ZMYM2: variants seen among roughly 807,000 people sequenced by gnomAD.
ZMYM2 encodes the protein zinc finger MYM-type containing 2.
ZMYM2 carries 56 observed loss-of-function variants against 162.8 expected under a neutral mutation model. The ratio of observed to expected loss-of-function variants is 0.34; its 90% CI spans 0.28 to 0.43. ZMYM2 has a LOEUF of 0.43. Ranked by LOEUF, ZMYM2 falls within the 20% of genes least tolerant of loss-of-function variation. The pLI, the probability that ZMYM2 is intolerant of heterozygous loss-of-function variation, is 1.00. For missense variants in ZMYM2, 1,275 were observed against 1,621.8 expected (o/e 0.79, Z 3.67); for synonymous variants, 510 against 541.6 (o/e 0.94, Z 0.81).
chr13:20,076,931 G>A (rs944405230), intron 21 of ZMYM2, among the ~76,000 whole-genome samples: 44 of 150,216 alleles, frequency 2.9e-4, no homozygotes, highest in Non-Finnish European at 6.0e-4. Context: ...CGCCTCCCAG[G>A]TTCAAGTGAT....
Position 20,079,219 on chromosome 13 carries a change from T to C in ZMYM2, c.3454-2797T>C, listed in dbSNP as rs1156299471. 3.5e-5 allele frequency among the ~76,000 whole-genome samples: 5 copies of C among 144,376 alleles called. No homozygotes were observed. In the South Asian group the frequency reaches 8.8e-4, roughly 25 times the overall value. The allele number at this position is 144,376 out of a possible 152,430, so 94.7% of individuals were successfully genotyped here. A position where few individuals can be genotyped will look rare whatever the true frequency, so the allele number is the denominator to read the frequency against. The stretch of plus-strand genomic sequence containing the variant: ...CTGTAATCTCAGCTACTCGGGAGGC[T>C]GAGGCAGGAGAATCGCTTGAACCCT... On this transcript the variant is annotated intron_variant, in intron 21 of 24. Coordinates refer to ENST00000610343, the MANE Select transcript of ZMYM2 (RefSeq NM_197968.4).
chr13:19,995,002 T>TAAAA (rs11415288), intron 3 of ZMYM2, among the ~76,000 whole-genome samples: 4 of 140,558 alleles, frequency 2.8e-5, no homozygotes, highest in Non-Finnish European at 4.6e-5. Flanking sequence ...CTGGCTAAAT[T>TAAAA]AAAAAAAAAA....
At chr13:19,943,064 G>A in the ZMYM2 span, among the ~76,000 whole-genome samples, 1 of 152,110 alleles carries the variant, frequency 6.6e-6, no homozygotes, top group African/African-American at 2.4e-5. Flanking sequence ...GGGCCATACC[G>A]ACCGACAGCT....
the ZMYM2 span, among the ~76,000 whole-genome samples, chr13:19,888,757 A>T: frequency 2.4e-4 from 37 of 151,328 alleles, no homozygotes; most frequent in African/African-American, 8.3e-4. Context: ...ATGCCACCAC[A>T]CTCAGCTAAT....
At chr13:20,070,686 A>G (rs1470095710) in intron 21 of ZMYM2, 1 of 151,952 alleles carries the variant, frequency 6.6e-6, no homozygotes, top group Middle Eastern at 3.2e-3. Flanking sequence ...AATTTTTTAT[A>G]TTTTAGTAGA....
At chr13:19,886,162 C>CTTTTT in the ZMYM2 span, among the ~76,000 whole-genome samples, 768 of 98,284 alleles carry the variant, frequency 7.8e-3, 1 homozygote, top group East Asian at 0.012. Flanking sequence ...TTCTTTCTTT[C>CTTTTT]TTTTTTTTTT....
At chr13:19,947,217 C>T in the ZMYM2 span, among the ~76,000 whole-genome samples, 2 of 151,910 alleles carry the variant, frequency 1.3e-5, no homozygotes, top group South Asian at 2.1e-4. Flanking sequence ...CCCGCCACCA[C>T]GCCCGGCTAA....
At chr13:19,956,519 G>C (rs1053357137), upstream of ZMYM2, among the ~76,000 whole-genome samples, 1 of 152,154 alleles carries the variant, frequency 6.6e-6, no homozygotes, top group Admixed American at 6.5e-5. Context: ...TTTCTTCCCA[G>C]TTCTAAATTC....
intron 2 of ZMYM2, among the ~76,000 whole-genome samples, chr13:19,986,087 T>A (rs1196272522): frequency 6.7e-6 from 1 of 150,358 alleles, no homozygotes; most frequent in Non-Finnish European, 1.5e-5. Flanking sequence ...TACTCAGGAG[T>A]CTGAGACAGG....
chr13:20,080,978 A>G (rs1593278982), intron 21 of ZMYM2, among the ~76,000 whole-genome samples: 1 of 152,260 alleles, frequency 6.6e-6, no homozygotes, highest in South Asian at 2.1e-4. Context: ...CTTTATAAAA[A>G]TAGGCATGGG....
the ZMYM2 span, among the ~76,000 whole-genome samples, chr13:19,938,577 A>G: frequency 1.5e-5 from 2 of 130,818 alleles, no homozygotes; most frequent in Non-Finnish European, 3.3e-5. Context: ...AGTGTTAAAT[A>G]AAATTATGGA....
chr13:20,052,045 C>T (rs1025398334), intron 13 of ZMYM2, among the ~76,000 whole-genome samples: 4 of 151,866 alleles, frequency 2.6e-5, no homozygotes, highest in Admixed American at 2.0e-4. Context: ...AATAGTATTT[C>T]CCCGAAAGCA....
the ZMYM2 span, among the ~76,000 whole-genome samples, chr13:19,868,403 A>C: frequency 0.012 from 1,835 of 152,278 alleles, 38 homozygotes; most frequent in African/African-American, 0.04. Flanking sequence ...ATATGATCTG[A>C]GTCATCTTTC....
At chr13:20,061,823 AGGTG>A (rs1956257579) in intron 17 of ZMYM2, among the ~76,000 whole-genome samples, 1 of 151,944 alleles carries the variant, frequency 6.6e-6, no homozygotes. Flanking sequence ...TCCTGACCTC[AGGTG>A]ATCCACCTGC....
intron 2 of ZMYM2, among the ~76,000 whole-genome samples, chr13:19,987,060 G>A (rs997845296): frequency 5.0e-5 from 7 of 138,650 alleles, no homozygotes; most frequent in Non-Finnish European, 1.1e-4. Flanking sequence ...AGCTGTGATC[G>A]TGCCACTGCA....
At chr13:20,034,509 A>C in intron 11 of ZMYM2, 105 bp downstream of exon 11, 1 of 1,131,610 alleles carries the variant, frequency 8.8e-7, no homozygotes, top group Non-Finnish European at 1.2e-6. Context: ...TAGCTGAACA[A>C]AAAAAATTGA....
chr13:19,918,879 C>T, the ZMYM2 span, among the ~76,000 whole-genome samples: 7 of 152,068 alleles, frequency 4.6e-5, no homozygotes, highest in Admixed American at 3.9e-4. Flanking sequence ...AAATTGGTAT[C>T]GGTACATTGT....
At chr13:19,935,016 C>A in the ZMYM2 span, among the ~76,000 whole-genome samples, 1 of 152,102 alleles carries the variant, frequency 6.6e-6, no homozygotes, top group Non-Finnish European at 1.5e-5. Context: ...ATCTGCCCAC[C>A]TCGGCCTCCC....
chr13:20,024,348 G>A (rs956721524), intron 7 of ZMYM2: 3 of 203,812 alleles, frequency 1.5e-5, no homozygotes, highest in African/African-American at 4.6e-5. Context: ...TAAAATCAGC[G>A]TTGGGATCAC....
Sources: gnomAD v4.1 joint callset for allele counts (sites outside exome capture counted in the v4.1 genomes callset) on GRCh38, gnomAD v4.1.1 for gene constraint, MANE v1.5 for transcripts, NCBI Gene and HGNC (gene_info 2026-07-23, HGNC 2026-07-21) for gene names.